PSME4: variants seen among roughly 807,000 people sequenced by gnomAD.
PSME4 encodes the protein proteasome activator complex subunit 4.
In PSME4, 89 loss-of-function variants were observed where a neutral mutation model predicts 253.9. The observed-to-expected ratio is 0.35, with a 90% CI of 0.30 to 0.42. The LOEUF (loss-of-function observed/expected upper bound fraction) is 0.42. Ranked by LOEUF, PSME4 falls within the 10% of genes least tolerant of loss-of-function variation. The pLI is 1.00. For missense variants in PSME4, 2,014 were observed against 2,195.2 expected (o/e 0.92, Z 1.65); for synonymous variants, 851 against 759.2 (o/e 1.12, Z -1.99).
At position 53,940,008 on chromosome 2, in the gene PSME4, G is replaced by T; in HGVS notation, c.501-8C>A. ...AGAATATTTTCTACAGAACTGGGGG[G>T]GGAAAGCCATTTGATAATTAGATTG... On this transcript the variant is annotated splice_region_variant and splice_polypyrimidine_tract_variant and intron_variant, in intron 3 of 46. Coordinates refer to ENST00000404125, the MANE Select transcript of PSME4 (RefSeq NM_014614.3). 1 of 1,562,674 alleles carries T rather than the reference G, an allele frequency of 6.4e-7. No homozygotes were observed. The highest frequency in any genetic ancestry group is 8.7e-7 in the Non-Finnish European group (1 of 1,144,464).
intron 30 of PSME4, 101 bp from the exon 31 acceptor site, chr2:53,898,100 T>A: frequency 7.2e-7 from 1 of 1,394,440 alleles, no homozygotes; most frequent in Non-Finnish European, 9.8e-7. Flanking sequence ...TCTCAAGAAT[T>A]AAAATAGGTC....
chr2:53,915,220 C>G (rs1048862105), intron 20 of PSME4, among the ~76,000 whole-genome samples: 1 of 152,060 alleles, frequency 6.6e-6, no homozygotes, highest in African/African-American at 2.4e-5. Flanking sequence ...ACAGGCAGAT[C>G]GCCTGAGCTC....
intron 42 of PSME4, 68 bp downstream of exon 42, chr2:53,875,559 G>A: frequency 6.8e-7 from 1 of 1,465,524 alleles, no homozygotes; most frequent in Non-Finnish European, 9.2e-7. Context: ...CACTGCAGCT[G>A]ACTGAAATTC....
intron 41 of PSME4, among the ~76,000 whole-genome samples, chr2:53,883,599 T>C (rs1041112810): frequency 4.6e-5 from 7 of 152,234 alleles, no homozygotes; most frequent in Non-Finnish European, 1.0e-4. Flanking sequence ...TTTTAAACTT[T>C]GGACAGTTGA....
At chr2:53,888,151 T>C (rs1679728053) in intron 38 of PSME4, 162 bp from the exon 39 acceptor site, 1 of 581,826 alleles carries the variant, frequency 1.7e-6, no homozygotes, top group Non-Finnish European at 2.6e-6. Context: ...TATGAAGATT[T>C]TATTTTTCCT....
intron 24 of PSME4, among the ~76,000 whole-genome samples, chr2:53,907,624 A>C (rs1235756184): frequency 6.6e-6 from 1 of 152,180 alleles, no homozygotes; most frequent in Non-Finnish European, 1.5e-5. Flanking sequence ...GATCTACTTA[A>C]GAACTGTTAA....
At chr2:53,936,885 G>T (rs1293225915) in intron 5 of PSME4, 58 bp from the exon 6 acceptor site, 3 of 1,163,714 alleles carry the variant, frequency 2.6e-6, no homozygotes, top group African/African-American at 1.6e-5. Context: ...TTCAATGCCA[G>T]CTATGCTTTG....
intron 3 of PSME4, among the ~76,000 whole-genome samples, chr2:53,942,673 GGAT>G (rs1164130190): frequency 1.3e-5 from 2 of 151,956 alleles, no homozygotes; most frequent in African/African-American, 2.4e-5. Context: ...CCAGAATTAA[GGAT>G]AATAAATGTT....
rs1269715112 is a variant in PSME4 at position 53,945,860 on chromosome 2, G to T, written c.500+2561C>A. 1.3e-4 allele frequency among the ~76,000 whole-genome samples: 20 copies of T among 152,154 alleles called. 1 individual carries two copies. The highest frequency in any genetic ancestry group is 1.5e-5 in the Non-Finnish European group (1 of 68,036). ...AAAACTCAAAATTGTCACAGTGTAG[G>T]TAATGAGTATAGGTAGGTTATATGA... On this transcript the variant is annotated intron_variant, in intron 3 of 46. Transcript: ENST00000404125.
intron 1 of PSME4, among the ~76,000 whole-genome samples, chr2:53,964,573 T>C (rs763164249): frequency 1.3e-5 from 2 of 152,220 alleles, no homozygotes; most frequent in Non-Finnish European, 2.9e-5. Context: ...TTGTCAAGAT[T>C]TCAAGATTCA....
At chr2:53,939,309 A>C (rs2104466660) in intron 4 of PSME4, among the ~76,000 whole-genome samples, 1 of 152,358 alleles carries the variant, frequency 6.6e-6, no homozygotes, top group Middle Eastern at 3.4e-3. Context: ...CAGTCTTAGA[A>C]TAACTTGATA....
At chr2:53,866,975 C>A in intron 44 of PSME4, 95 bp from the exon 45 acceptor site, 1 of 1,207,460 alleles carries the variant, frequency 8.3e-7, no homozygotes, top group East Asian at 2.5e-5. Context: ...GTGTTGTTTT[C>A]AATATGTGAA....
intron 1 of PSME4, among the ~76,000 whole-genome samples, chr2:53,961,346 A>G (rs532399899): frequency 1.3e-5 from 2 of 152,066 alleles, no homozygotes; most frequent in Non-Finnish European, 2.9e-5. Context: ...TTAGACAGAA[A>G]CATAGATTAG....
rs903561155 is a variant in PSME4 at position 53,910,194 on chromosome 2, G to T, written c.2517-64C>A. 4.4e-6 allele frequency: 6 copies of T among 1,350,036 alleles called. No individual in the cohort carries two copies. In the African/African-American group the frequency reaches 5.8e-5, roughly 13 times the overall value. The allele number at this position is 1,350,036 out of a possible 1,614,324, so 83.6% of individuals were successfully genotyped here. ...CCAATATGAAGTATTAAAGGGAAAAGTTTCATTGCTGGACTGTTTAAACCA... is the reference window on the plus strand; with the variant it reads ...CCAATATGAAGTATTAAAGGGAAAATTTTCATTGCTGGACTGTTTAAACCA... On this transcript the variant is annotated intron_variant, in intron 20 of 46. Transcript: ENST00000404125.
chr2:53,895,205 A>G (rs1464225380), intron 33 of PSME4, 129 bp from the exon 34 acceptor site: 65 of 725,226 alleles, frequency 9.0e-5, no homozygotes, highest in Non-Finnish European at 1.6e-5. Context: ...TGAGTACAGC[A>G]GTAACAGTCT....
At chr2:53,904,901 T>C (rs545391881) in intron 26 of PSME4, among the ~76,000 whole-genome samples, 9 of 151,770 alleles carry the variant, frequency 5.9e-5, no homozygotes, top group Non-Finnish European at 8.8e-5. Flanking sequence ...GGCAGGAGAA[T>C]TGCTGGAACT....
At chr2:53,912,155 C>T (rs535921939) in intron 20 of PSME4, among the ~76,000 whole-genome samples, 63 of 152,238 alleles carry the variant, frequency 4.1e-4, no homozygotes, top group African/African-American at 1.5e-3. Flanking sequence ...TACTTACACG[C>T]AGATTTTTTT....
At chr2:53,878,863 C>T (rs980176522) in intron 41 of PSME4, among the ~76,000 whole-genome samples, 7 of 152,196 alleles carry the variant, frequency 4.6e-5, no homozygotes, top group Admixed American at 6.5e-5. Flanking sequence ...TCTGTGATCT[C>T]GCCCTGCCTC....
intron 3 of PSME4, among the ~76,000 whole-genome samples, chr2:53,945,172 T>C (rs1669644180): frequency 6.6e-6 from 1 of 152,142 alleles, no homozygotes; most frequent in Non-Finnish European, 1.5e-5. Context: ...TATGCATAAT[T>C]CTCCCATATT....
Sources: gnomAD v4.1 joint callset for allele counts (sites outside exome capture counted in the v4.1 genomes callset) on GRCh38, gnomAD v4.1.1 for gene constraint, MANE v1.5 for transcripts, NCBI Gene and HGNC (gene_info 2026-07-23, HGNC 2026-07-21) for gene names.